The following FGF12 variants were observed in gnomAD, a reference collection of about 807,000 sequenced individuals.
FGF12 encodes the protein fibroblast growth factor 12.
A neutral mutation model predicts 23.6 loss-of-function variants in FGF12; 14 were observed. That is an observed-to-expected ratio of 0.59 (90% CI 0.39 to 0.93). FGF12 has a LOEUF of 0.93. Among genes scored for constraint, FGF12 ranks in the 40% least tolerant of loss-of-function variants. The pLI, the probability that FGF12 is intolerant of heterozygous loss-of-function variation, is 0.00. For missense variants in FGF12, 175 were observed against 217.8 expected (o/e 0.80, Z 1.24); for synonymous variants, 62 against 77.3 (o/e 0.80, Z 1.04).
chr3:192,268,646 C>T (rs900342463), intron 4 of FGF12: 2 of 436,052 alleles, frequency 4.6e-6, no homozygotes, highest in South Asian at 3.3e-5. Context: ...TGCCATGTGA[C>T]ATACCTGCTC....
intron 2 of FGF12, among the ~76,000 whole-genome samples, chr3:192,708,081 T>C (rs1718537785): frequency 6.6e-6 from 1 of 152,132 alleles, no homozygotes; most frequent in Non-Finnish European, 1.5e-5. Context: ...TGCCTCAGCC[T>C]CCCAAGTAGC....
intron 2 of FGF12, among the ~76,000 whole-genome samples, chr3:192,406,741 TGAAACAG>T (rs1450051150): frequency 1.3e-5 from 2 of 152,078 alleles, no homozygotes; most frequent in Non-Finnish European, 2.9e-5. Context: ...CAACGGAAAA[TGAAACAG>T]GGTCGCTTCT....
chr3:192,285,486 CTCCTGTATTTTTTTT>C, intron 4 of FGF12, among the ~76,000 whole-genome samples: 1 of 151,948 alleles, frequency 6.6e-6, no homozygotes, highest in East Asian at 1.9e-4. Context: ...ATATAGTTTG[CTCCTGTATTTTTTTT>C]TCAAAAATGG....
intron 5 of FGF12, among the ~76,000 whole-genome samples, chr3:192,148,067 T>C (rs1713823745): frequency 6.6e-6 from 1 of 152,094 alleles, no homozygotes; most frequent in African/African-American, 2.4e-5. Flanking sequence ...CCTCAAAAAA[T>C]TAAATACGGA....
intron 4 of FGF12, among the ~76,000 whole-genome samples, chr3:192,231,765 G>A (rs959303655): frequency 6.6e-6 from 1 of 150,524 alleles, no homozygotes; most frequent in Non-Finnish European, 1.5e-5. Context: ...GCAAGACTCT[G>A]TCTCCAAAAA....
chr3:192,174,993 C>T (rs998499196), intron 4 of FGF12, among the ~76,000 whole-genome samples: 1 of 152,130 alleles, frequency 6.6e-6, no homozygotes, highest in Non-Finnish European at 1.5e-5. Context: ...TGGTTTTTGT[C>T]ACATGTTTAT....
chr3:192,711,039 T>G (rs568611737), intron 2 of FGF12, among the ~76,000 whole-genome samples: 6 of 152,110 alleles, frequency 3.9e-5, no homozygotes, highest in Admixed American at 6.5e-5. Flanking sequence ...GCCCCACCCA[T>G]GAACACAGAG....
chr3:192,689,584 C>T (rs1717877173), intron 2 of FGF12, among the ~76,000 whole-genome samples: 1 of 151,166 alleles, frequency 6.6e-6, no homozygotes, highest in Non-Finnish European at 1.5e-5. Context: ...AAATAATAAG[C>T]AAACTAGAAG....
In FGF12 at chr3:192,398,169, G is replaced by C. The variant is rs752925564; in HGVS notation, c.14-37631C>G. 8.5e-4 allele frequency among the ~76,000 whole-genome samples: 130 copies of C among 152,240 alleles called. 1 individual carries two copies. In the Middle Eastern group the frequency reaches 0.065, roughly 76 times the overall value. ...TGTCAAGAGAAAGACTGACATTTTA[G>C]ACAGATTTCTTTATTAGTGCCTTGC... On this transcript the variant is annotated intron_variant, in intron 2 of 5. Coordinates refer to ENST00000445105, the MANE Select transcript of FGF12 (RefSeq NM_004113.6).
chr3:192,218,907 A>G (rs1001071674), intron 4 of FGF12, among the ~76,000 whole-genome samples: 1 of 152,106 alleles, frequency 6.6e-6, no homozygotes, highest in South Asian at 2.1e-4. Context: ...CCACAACACA[A>G]ATGTATCTTC....
At chr3:192,605,402 G>C (rs1313667917) in intron 2 of FGF12, among the ~76,000 whole-genome samples, 1 of 149,668 alleles carries the variant, frequency 6.7e-6, no homozygotes, top group African/African-American at 2.5e-5. Context: ...AAAAATCCTA[G>C]AAGAAAACCC....
At chr3:192,201,742 T>C (rs1393086445) in intron 4 of FGF12, among the ~76,000 whole-genome samples, 1 of 152,230 alleles carries the variant, frequency 6.6e-6, no homozygotes, top group Non-Finnish European at 1.5e-5. Context: ...CTCATTAGCT[T>C]ATTGAAGTCA....
At chr3:192,583,241 T>C (rs986239349) in intron 2 of FGF12, among the ~76,000 whole-genome samples, 2 of 152,222 alleles carry the variant, frequency 1.3e-5, no homozygotes, top group South Asian at 4.1e-4. Flanking sequence ...TGCTCTCTTA[T>C]ATTCTCCATG....
chr3:192,402,781 A>G (rs1307282167), intron 2 of FGF12, among the ~76,000 whole-genome samples: 1 of 152,220 alleles, frequency 6.6e-6, no homozygotes, highest in Admixed American at 6.5e-5. Context: ...TTATTATTAT[A>G]GATGATTAAT....
At chr3:192,669,788 A>G (rs1040529375) in intron 2 of FGF12, among the ~76,000 whole-genome samples, 4 of 152,054 alleles carry the variant, frequency 2.6e-5, no homozygotes, top group Admixed American at 6.6e-5. Context: ...ATGACAGATG[A>G]TGACATTGTG....
chr3:192,705,342 T>C (rs375781790), intron 2 of FGF12, among the ~76,000 whole-genome samples: 3 of 152,300 alleles, frequency 2.0e-5, no homozygotes, highest in African/African-American at 7.2e-5. Context: ...AATATCTTCG[T>C]GTCTCAGGAA....
rs994263135 is a variant in FGF12, at chr3:192,648,010, A to T, written c.13+79171T>A. ...CTATGAAATGAGCAGTGCAGAAAGA[A>T]TAGCCCCATTTCACAAAGGGTCAAA... On this transcript the variant is annotated intron_variant, in intron 2 of 5. Coordinates refer to ENST00000445105, the MANE Select transcript of FGF12 (RefSeq NM_004113.6). 5.9e-5 allele frequency among the ~76,000 whole-genome samples: 9 copies of T among 151,984 alleles called. No homozygotes were observed. The South Asian group carries it at 1.0e-3, about 18-fold the overall frequency.
At chr3:192,223,818 C>T (rs1262903807) in intron 4 of FGF12, among the ~76,000 whole-genome samples, 1 of 151,982 alleles carries the variant, frequency 6.6e-6, no homozygotes, top group Admixed American at 6.6e-5. Flanking sequence ...CACTACTAAA[C>T]AATATAATGA....
In FGF12 at chr3:192,514,910, C is replaced by A. The variant is rs933559292; in HGVS notation, c.14-154372G>T. On this transcript the variant is annotated intron_variant, in intron 2 of 5. Transcript: ENST00000445105. The surrounding 1 kb of genome is among the most constrained non-coding windows in gnomAD (Gnocchi z 4.9). The stretch of plus-strand genomic sequence containing the variant: ...CACATGGAGCCGGAGGGAGCCCGGG[C>A]GCCGGCAGGGGGCGGGCCGGGACGC... 28 of 982,534 alleles carry A rather than the reference C, an allele frequency of 2.8e-5. No homozygotes were observed. Among genetic ancestry groups the A allele is most frequent in the South Asian group, 9.4e-5 (2 of 21,204 alleles). 60.9% of individuals were successfully genotyped at this position (982,534 alleles called of 1,614,324 possible). A position where few individuals can be genotyped will look rare whatever the true frequency, so the allele number is the denominator to read the frequency against.
Sources: allele counts gnomAD v4.1 joint callset (sites outside exome capture counted in the v4.1 genomes callset), GRCh38; gene constraint gnomAD v4.1.1; non-coding constraint Gnocchi (gnomAD v3.1); transcripts MANE v1.5; gene names NCBI Gene and HGNC (gene_info 2026-07-23, HGNC 2026-07-21).